The following CHRDL1 variants were observed in gnomAD, a reference collection of about 807,000 sequenced individuals.
CHRDL1 encodes the protein chordin-like protein 1.
In CHRDL1, 19 loss-of-function variants were observed where a neutral mutation model predicts 40.9. The observed-to-expected ratio is 0.46, with a 90% CI of 0.32 to 0.68. The LOEUF is 0.68. CHRDL1 is among the 30% of genes least tolerant of loss of function. The pLI is 0.03. For missense variants in CHRDL1, 329 were observed against 352.1 expected, an observed-to-expected ratio of 0.93 and a Z score of 0.53; for synonymous variants, 136 against 123.4, an observed-to-expected ratio of 1.10 and a Z score of -0.68.
At chrX:110,691,739 C>A (rs2070282469) in intron 8 of CHRDL1, among the ~76,000 whole-genome samples, 1 of 111,589 alleles carries the variant, frequency 9.0e-6, no homozygotes, top group African/African-American at 3.3e-5. Context: ...TTTGCAAGAG[C>A]TGCTAGAATA....
In CHRDL1 at chrX:110,676,192, G is replaced by A; in HGVS notation, c.*39C>T. 1 of 1,179,658 alleles carries A rather than the reference G, an allele frequency of 8.5e-7. No homozygotes were observed. Among genetic ancestry groups the A allele is most frequent in the Non-Finnish European group, 1.1e-6 (1 of 877,828 alleles). Reference sequence around the variant, plus strand: ...AGCCTGCAGTCCAGCTGCAGCTTGAGTTTTCTTGCTTTACCCTATCCAATA... The same window carrying A: ...AGCCTGCAGTCCAGCTGCAGCTTGAATTTTCTTGCTTTACCCTATCCAATA... On this transcript the variant is annotated 3_prime_UTR_variant, in exon 12 of 12. Transcript: ENST00000372042.
intron 2 of CHRDL1, among the ~76,000 whole-genome samples, chrX:110,791,586 C>T (rs759791326): frequency 1.2e-4 from 13 of 112,317 alleles, no homozygotes; most frequent in Non-Finnish European, 2.1e-4. Context: ...TCTCAATTTC[C>T]TCAAAACATT....
chrX:110,722,952 T>TA (rs1252682863), intron 4 of CHRDL1, among the ~76,000 whole-genome samples: 64 of 109,469 alleles, frequency 5.8e-4, no homozygotes, highest in African/African-American at 1.7e-3. Context: ...TACAACTGTT[T>TA]AAAAAAAAAC....
chrX:110,758,580 T>C (rs983630102), intron 4 of CHRDL1, among the ~76,000 whole-genome samples: 1 of 111,383 alleles, frequency 9.0e-6, no homozygotes, highest in Non-Finnish European at 1.9e-5. Flanking sequence ...TGGGTTTTCA[T>C]TGAACCCCAT....
At position 110,755,213 on chromosome X, in the gene CHRDL1, T is replaced by G. The variant is rs1005265068; in HGVS notation, c.301+4448A>C. On this transcript the variant is annotated intron_variant, in intron 4 of 11. Coordinates refer to ENST00000372042, the MANE Select transcript of CHRDL1 (RefSeq NM_001143981.2). Reference sequence around the variant, plus strand: ...TCCATTAAGAATGTTCCAGCCTCCATGTAGCCTCTTTGGGCCCAGTAGAGC... The same window carrying G: ...TCCATTAAGAATGTTCCAGCCTCCAGGTAGCCTCTTTGGGCCCAGTAGAGC... Among the ~76,000 whole-genome samples, 3 of 111,398 alleles carry G rather than the reference T, an allele frequency of 2.7e-5. No homozygotes were observed. In the Admixed American group the frequency reaches 2.9e-4, roughly 11 times the overall value.
chrX:110,737,463 C>T (rs1479917738), intron 4 of CHRDL1, among the ~76,000 whole-genome samples: 1 of 111,729 alleles, frequency 9.0e-6, no homozygotes, highest in African/African-American at 3.3e-5. Flanking sequence ...ATTAATACCA[C>T]CTGAGAGCTA....
intron 4 of CHRDL1, among the ~76,000 whole-genome samples, chrX:110,755,562 G>A (rs1013136797): frequency 3.6e-5 from 4 of 112,035 alleles, no homozygotes; most frequent in African/African-American, 1.3e-4. Context: ...CACTTCCACT[G>A]AGTCTGTTAC....
chrX:110,791,845 T>C (rs890188813), intron 2 of CHRDL1, among the ~76,000 whole-genome samples: 1 of 112,155 alleles, frequency 8.9e-6, no homozygotes, highest in African/African-American at 3.2e-5. Flanking sequence ...AATAAGCTAA[T>C]GTGTCATATG....
At chrX:110,770,369 C>G (rs939110783) in intron 2 of CHRDL1, among the ~76,000 whole-genome samples, 2 of 10,015 alleles carry the variant, frequency 2.0e-4, no homozygotes, top group African/African-American at 2.4e-4. Flanking sequence ...GTATTTTGTA[C>G]TAAATGAAAA....
At chrX:110,715,598 G>A (rs955660189) in intron 6 of CHRDL1, among the ~76,000 whole-genome samples, 4 of 111,909 alleles carry the variant, frequency 3.6e-5, no homozygotes, top group Non-Finnish European at 7.5e-5. Flanking sequence ...GCCCTGCAAT[G>A]TCAAATCTAT....
chrX:110,676,206 C>G lies in CHRDL1; in HGVS notation c.*25G>C. The G allele has an allele frequency of 8.3e-7, 1 of 1,200,191 alleles. No individual in the cohort carries two copies. The highest frequency in any genetic ancestry group is 1.8e-5 in the South Asian group (1 of 54,887). On this transcript the variant is annotated 3_prime_UTR_variant, in exon 12 of 12. Coordinates refer to ENST00000372042, the MANE Select transcript of CHRDL1 (RefSeq NM_001143981.2). ...CTGCAGCTTGAGTTTTCTTGCTTTA[C>G]CCTATCCAATACTGTCTGTCTTGCC...
intron 4 of CHRDL1, among the ~76,000 whole-genome samples, chrX:110,746,284 A>G (rs2089251094): frequency 9.0e-6 from 1 of 111,152 alleles, no homozygotes; most frequent in Admixed American, 9.6e-5. Flanking sequence ...AGCAGAAGGT[A>G]GGAACCAAAC....
intron 3 of CHRDL1, 107 bp downstream of exon 3, chrX:110,762,588 T>G: frequency 4.0e-6 from 2 of 494,634 alleles, no homozygotes; most frequent in South Asian, 3.2e-5. Flanking sequence ...GCTTCTTTAC[T>G]TTCTTTAAGG....
At chrX:110,769,290 C>A (rs1285423804) in intron 2 of CHRDL1, among the ~76,000 whole-genome samples, 1 of 112,282 alleles carries the variant, frequency 8.9e-6, no homozygotes, top group Non-Finnish European at 1.9e-5. Flanking sequence ...AAGCAATACT[C>A]CTCTTATAAT....
At chrX:110,775,290 T>G (rs1025245928) in intron 2 of CHRDL1, among the ~76,000 whole-genome samples, 1 of 110,786 alleles carries the variant, frequency 9.0e-6, no homozygotes, top group African/African-American at 3.3e-5. Context: ...TAAATGTCTA[T>G]CCATTGGGAG....
intron 7 of CHRDL1, among the ~76,000 whole-genome samples, chrX:110,697,278 C>G (rs1036474389): frequency 1.8e-5 from 2 of 109,767 alleles, no homozygotes; most frequent in Non-Finnish European, 3.8e-5. Context: ...GTTCTAAAGT[C>G]TAAAATATAA....
At chrX:110,740,036 T>C (rs781292148) in intron 4 of CHRDL1, among the ~76,000 whole-genome samples, 2 of 112,801 alleles carry the variant, frequency 1.8e-5, no homozygotes, top group South Asian at 7.4e-4. Context: ...TTCATGTTCA[T>C]GCTGGTCTAC....
chrX:110,763,372 C>T (rs2089599601), intron 2 of CHRDL1, among the ~76,000 whole-genome samples: 1 of 109,185 alleles, frequency 9.2e-6, no homozygotes, highest in Admixed American at 9.8e-5. Context: ...TGAGATCATA[C>T]GATGTTCGGT....
intron 4 of CHRDL1, among the ~76,000 whole-genome samples, chrX:110,741,552 C>A (rs2071360561): frequency 9.0e-6 from 1 of 111,264 alleles, no homozygotes; most frequent in South Asian, 3.9e-4. Context: ...TGATGAGGGT[C>A]TCAGCCTGCT....
Sources: gnomAD v4.1 joint callset for allele counts (sites outside exome capture counted in the v4.1 genomes callset) on GRCh38, gnomAD v4.1.1 for gene constraint, MANE v1.5 for transcripts, NCBI Gene and HGNC (gene_info 2026-07-23, HGNC 2026-07-21) for gene names.